The following DHTKD1 variants were observed in gnomAD, a reference collection of about 807,000 sequenced individuals.
DHTKD1 encodes the protein 2-oxoadipate dehydrogenase complex component E1.
Under a neutral mutation model 101.8 loss-of-function variants are expected in DHTKD1, and 78 were observed. That is an observed-to-expected ratio of 0.77 (90% CI 0.64 to 0.93). The LOEUF is 0.93. Among genes scored for constraint, DHTKD1 ranks in the 40% least tolerant of loss-of-function variants. The pLI, the probability that DHTKD1 is intolerant of heterozygous loss-of-function variation, is 0.00. For synonymous variants in DHTKD1, 462 were observed against 450.3 expected, an observed-to-expected ratio of 1.03 and a Z score of -0.33; for missense variants, 1,223 against 1,161.7, an observed-to-expected ratio of 1.05 and a Z score of -0.77.
chr10:12,104,071 T>C (rs1833210685), intron 10 of DHTKD1, among the ~76,000 whole-genome samples: 1 of 152,226 alleles, frequency 6.6e-6, no homozygotes, highest in African/African-American at 2.4e-5. Flanking sequence ...CTGCCTATTT[T>C]GGATGTTTCA....
Position 12,079,829 on chromosome 10 carries a change from G to A in DHTKD1, c.155-1643G>A, listed in dbSNP as rs562637348. ...AAATAGAACCCTTAGCAATTTATAG[G>A]ACTAACCCCCAGGCTGAAATCAGTT... On this transcript the variant is annotated intron_variant, in intron 1 of 16. Transcript: ENST00000263035. Among the ~76,000 whole-genome samples the A allele has an allele frequency of 2.0e-5, 3 of 152,146 alleles. No individual in the cohort carries two copies. In the South Asian group the frequency reaches 6.2e-4, roughly 32 times the overall value.
chr10:12,088,694 A>C (rs949814479), intron 4 of DHTKD1, among the ~76,000 whole-genome samples: 4 of 151,836 alleles, frequency 2.6e-5, no homozygotes, highest in African/African-American at 4.8e-5. Flanking sequence ...AGTGATTCTT[A>C]TGCCTCAGCC....
rs1011233682 is a variant in DHTKD1, at chr10:12,091,041, G to A, written c.988-472G>A. Among the ~76,000 whole-genome samples the A allele has an allele frequency of 1.7e-4, 26 of 151,682 alleles. No individual in the cohort carries two copies. The East Asian group carries it at 2.5e-3, about 15-fold the overall frequency. On this transcript the variant is annotated intron_variant, in intron 5 of 16. Transcript: ENST00000263035. The stretch of plus-strand genomic sequence containing the variant: ...CGCACTCCCGCCTGGGCAACAGAGC[G>A]AGACTCCGTCTCAAAAAAAAACAAA...
intron 7 of DHTKD1, among the ~76,000 whole-genome samples, chr10:12,095,812 CAA>C (rs1185585860): frequency 0.29 from 12,055 of 41,384 alleles, 764 homozygotes; most frequent in East Asian, 0.39. Context: ...GACTCCGTCT[CAA>C]AAAAAAAAAA....
At chr10:12,095,812 C>CAAAAAAAAAAAAAAAAAAAAA (rs1185585860) in intron 7 of DHTKD1, among the ~76,000 whole-genome samples, 10 of 41,488 alleles carry the variant, frequency 2.4e-4, no homozygotes, top group Non-Finnish European at 4.4e-4. Context: ...GACTCCGTCT[C>CAAAAAAAAAAAAAAAAAAAAA]AAAAAAAAAA....
chr10:12,091,411 C>CAAAAAAAAAAAAAAAAAAA lies in DHTKD1; in HGVS notation c.988-101_988-83dup, dbSNP rs71382619. ...TGGGCGAAAGAGCAAGACTCTGTCT[C>CAAAAAAAAAAAAAAAAAAA]AAAAAAAAAAAAAAAAAAAGTTATT... On this transcript the variant is annotated intron_variant, in intron 5 of 16. Coordinates refer to ENST00000263035, the MANE Select transcript of DHTKD1 (RefSeq NM_018706.7). The CAAAAAAAAAAAAAAAAAAA allele has an allele frequency of 1.9e-4, 36 of 193,066 alleles. 2 individuals are homozygous for CAAAAAAAAAAAAAAAAAAA. The highest frequency in any genetic ancestry group is 1.4e-3 in the African/African-American group (34 of 25,076). 12.0% of individuals were successfully genotyped at this position (193,066 alleles called of 1,614,324 possible). A position where few individuals can be genotyped will look rare whatever the true frequency, so the allele number is the denominator to read the frequency against.
In DHTKD1 at chr10:12,107,988, A is replaced by C; in HGVS notation, c.2127A>C (p.Ser709=). ...HGYDGAGPDH[S]SCRIERFLQM... is the part of the protein sequence containing the mutation. Reference sequence around the variant, plus strand: ...ACGATGGGGCTGGGCCAGACCACTCATCCTGTCGAATAGAGCGTTTCCTGC... The same window carrying C: ...ACGATGGGGCTGGGCCAGACCACTCCTCCTGTCGAATAGAGCGTTTCCTGC... The change falls in exon 12 of 17, where the codon TCA becomes TCC. Residue 709 remains serine, a synonymous_variant. Transcript: ENST00000263035. The surrounding 1 kb of genome is among the most constrained non-coding windows in gnomAD (Gnocchi z 4.1). 6.2e-7 allele frequency: 1 copy of C among 1,613,888 alleles called. No individual in the cohort carries two copies. Among genetic ancestry groups the C allele is most frequent in the South Asian group, 1.1e-5 (1 of 91,076 alleles).
rs367981696 is a variant in DHTKD1 at position 12,089,005 on chromosome 10, G to C, written c.737G>C (p.Arg246Pro). ...CAATAGCTGATGTTCCGTAAAATGC[G>C]AGGCTTAAGTGAATTTCCAGAGAAT... ...FPPELMFRKM[R>P]GLSEFPENFS... The change falls in exon 5 of 17, where the codon CGA becomes CCA. Residue 246 changes from arginine to proline, a missense_variant. By Grantham distance (103) the Arg-to-Pro change is moderately radical (BLOSUM62 -2). Coordinates refer to ENST00000263035, the MANE Select transcript of DHTKD1 (RefSeq NM_018706.7). 2.5e-6 allele frequency: 4 copies of C among 1,613,554 alleles called. No homozygotes were observed. The highest frequency in any genetic ancestry group is 3.4e-6 in the Non-Finnish European group (4 of 1,179,742).
At chr10:12,090,977 C>A (rs888954883) in intron 5 of DHTKD1, among the ~76,000 whole-genome samples, 1 of 152,060 alleles carries the variant, frequency 6.6e-6, no homozygotes, top group Admixed American at 6.6e-5. Context: ...TGGCGTGAAC[C>A]CCGGAGGCGG....
chr10:12,094,251 C>A lies in DHTKD1; in HGVS notation c.1338C>A (p.Pro446=). The part of the protein sequence containing the change: ...NELDEPFYTN[P]IMYKIIRARK... ...TGGATGAGCCATTCTACACCAACCC[C>A]ATCATGTACAAAATCATCAGGTACA... The change falls in exon 7 of 17, where the codon CCC becomes CCA. Residue 446 remains proline, a synonymous_variant. Coordinates refer to ENST00000263035, the MANE Select transcript of DHTKD1 (RefSeq NM_018706.7). The A allele has an allele frequency of 6.2e-7, 1 of 1,614,154 alleles. No individual in the cohort carries two copies. The highest frequency in any genetic ancestry group is 1.1e-5 in the South Asian group (1 of 91,086).
chr10:12,069,185 CA>C lies in DHTKD1; in HGVS notation c.153del (p.Val52LeufsTer9). ...CCCCAGGGCGCCCTGGAGCGCCCCC[CA>C]GGTCGGGGATGGGGCCCGGGCGGTG... Reference protein sequence around the residue: ...REPQGALERPPVDHGLARLVT... With the variant: ...REPQGALERPXVDHGLARLVT... On this transcript the variant is annotated frameshift_variant and splice_region_variant, in exon 1 of 17. Coordinates refer to ENST00000263035, the MANE Select transcript of DHTKD1 (RefSeq NM_018706.7). LOFTEE classifies it high-confidence loss of function. 6.5e-7 allele frequency: 1 copy of C among 1,547,362 alleles called. No individual in the cohort carries two copies. Among genetic ancestry groups the C allele is most frequent in the Non-Finnish European group, 8.7e-7 (1 of 1,147,152 alleles).
At chr10:12,075,873 A>G (rs1832718879) in intron 1 of DHTKD1, among the ~76,000 whole-genome samples, 1 of 149,856 alleles carries the variant, frequency 6.7e-6, no homozygotes, top group Non-Finnish European at 1.5e-5. Context: ...ATTTATTTTT[A>G]TTTTACTTCT....
rs1391091835 is a variant in DHTKD1, at chr10:12,122,908, C to T, written c.*2020C>T. 6.6e-6 allele frequency: 1 copy of T among 152,244 alleles called. No homozygotes were observed. Among genetic ancestry groups the T allele is most frequent in the Non-Finnish European group, 1.5e-5 (1 of 68,058 alleles). The allele number at this position is 152,244 out of a possible 1,614,324, so 9.4% of individuals were successfully genotyped here. ...GGACTGGCAGAAGCCCAGGCCCTCTCTACTTTTACCAGCAACTGATCATGT... is the reference window on the plus strand; with the variant it reads ...GGACTGGCAGAAGCCCAGGCCCTCTTTACTTTTACCAGCAACTGATCATGT... On this transcript the variant is annotated 3_prime_UTR_variant, in exon 17 of 17. Transcript: ENST00000263035.
chr10:12,115,041 C>T (rs538155184), intron 13 of DHTKD1, among the ~76,000 whole-genome samples: 3 of 151,254 alleles, frequency 2.0e-5, no homozygotes, highest in Non-Finnish European at 4.4e-5. Context: ...GTGATCCGCC[C>T]GCCTCGGCCT....
At chr10:12,078,286 G>T (rs1832763946) in intron 1 of DHTKD1, among the ~76,000 whole-genome samples, 1 of 152,014 alleles carries the variant, frequency 6.6e-6, no homozygotes, top group Non-Finnish European at 1.5e-5. Flanking sequence ...TTAGCCAGGT[G>T]TGGTGGCACG....
intron 12 of DHTKD1, among the ~76,000 whole-genome samples, chr10:12,108,625 C>T (rs1411021850): frequency 1.3e-5 from 2 of 152,134 alleles, no homozygotes; most frequent in Admixed American, 1.3e-4. Flanking sequence ...AGCCATTGTC[C>T]TCATTTGGTG....
chr10:12,091,732 TC>T, intron 6 of DHTKD1, 48 bp downstream of exon 6: 1 of 1,572,470 alleles, frequency 6.4e-7, no homozygotes, highest in Non-Finnish European at 8.7e-7. Context: ...GACATGGAAT[TC>T]CTAGGGAAAC....
At chr10:12,093,045 A>T (rs1384463969) in intron 6 of DHTKD1, among the ~76,000 whole-genome samples, 2 of 138,610 alleles carry the variant, frequency 1.4e-5, no homozygotes. Flanking sequence ...TGCACAGCTA[A>T]TTTTTTTTTT....
intron 13 of DHTKD1, among the ~76,000 whole-genome samples, chr10:12,113,606 G>A (rs577025666): frequency 1.3e-5 from 2 of 152,278 alleles, no homozygotes; most frequent in African/African-American, 4.8e-5. Context: ...GTGCCCTCCT[G>A]AGCAGAAATA....
Sources: gnomAD v4.1 joint callset for allele counts (sites outside exome capture counted in the v4.1 genomes callset) on GRCh38, gnomAD v4.1.1 for gene constraint, Gnocchi (gnomAD v3.1) non-coding constraint, MANE v1.5 for transcripts, NCBI Gene and HGNC (gene_info 2026-07-23, HGNC 2026-07-21) for gene names.